Variants in LHFPL6 observed in about 807,000 individuals in gnomAD.
LHFPL6 encodes LHFPL tetraspan subfamily member 6 protein.
LHFPL6 carries 9 observed loss-of-function variants against 20.6 expected under a neutral mutation model. The ratio of observed to expected loss-of-function variants is 0.44; its 90% CI spans 0.26 to 0.76. LHFPL6 has a LOEUF of 0.76. Ranked by LOEUF, LHFPL6 falls within the 30% of genes least tolerant of loss-of-function variation. The pLI, the probability that LHFPL6 is intolerant of heterozygous loss-of-function variation, is 0.20. For missense variants in LHFPL6, 218 were observed against 253.5 expected, an observed-to-expected ratio of 0.86 and a Z score of 0.95; for synonymous variants, 105 against 98.7, an observed-to-expected ratio of 1.06 and a Z score of -0.38.
chr13:39,427,871 C>T, intron 2 of LHFPL6, among the ~76,000 whole-genome samples: 1 of 152,220 alleles, frequency 6.6e-6, no homozygotes, highest in Non-Finnish European at 1.5e-5. Context: ...GCACCGTCAT[C>T]TTAGTTAATT....
intron 2 of LHFPL6, among the ~76,000 whole-genome samples, chr13:39,462,869 C>T (rs1353110211): frequency 2.0e-5 from 3 of 152,096 alleles, no homozygotes; most frequent in Non-Finnish European, 4.4e-5. Context: ...ATTCATTCTT[C>T]GGGATGGGGC....
At chr13:39,601,693 A>G (rs1209164589) in intron 1 of LHFPL6, among the ~76,000 whole-genome samples, 1 of 152,258 alleles carries the variant, frequency 6.6e-6, no homozygotes. Context: ...ATATACTCAC[A>G]TTAAAAGTAA....
chr13:39,503,623 G>GTGCT (rs1488711538), intron 2 of LHFPL6, among the ~76,000 whole-genome samples: 1 of 152,200 alleles, frequency 6.6e-6, no homozygotes, highest in Non-Finnish European at 1.5e-5. Flanking sequence ...ACCTAGAACA[G>GTGCT]TGCTTGGTAT....
intron 2 of LHFPL6, among the ~76,000 whole-genome samples, chr13:39,473,634 A>G (rs2138438838): frequency 6.6e-6 from 1 of 152,290 alleles, no homozygotes; most frequent in Middle Eastern, 3.4e-3. Flanking sequence ...TCTTTCGGAT[A>G]CATTGACAAC....
chr13:39,400,596 A>G (rs947996263), intron 2 of LHFPL6, among the ~76,000 whole-genome samples: 5 of 151,580 alleles, frequency 3.3e-5, no homozygotes, highest in Non-Finnish European at 7.4e-5. Flanking sequence ...ATCCCGGCTA[A>G]AACGGTGAAA....
At chr13:39,354,998 A>G (rs2138340263) in intron 3 of LHFPL6, among the ~76,000 whole-genome samples, 1 of 151,346 alleles carries the variant, frequency 6.6e-6, no homozygotes, top group East Asian at 1.9e-4. Flanking sequence ...GATATAGTCT[A>G]TGAAAATTTC....
At chr13:39,563,955 G>A (rs1340898008) in intron 2 of LHFPL6, among the ~76,000 whole-genome samples, 1 of 152,110 alleles carries the variant, frequency 6.6e-6, no homozygotes, top group East Asian at 1.9e-4. Context: ...GACACTTGTT[G>A]TATATCCCCC....
At position 39,343,909 on chromosome 13, in the gene LHFPL6, C is replaced by T. The variant is rs1352205524; in HGVS notation, c.*27G>A. On this transcript the variant is annotated 3_prime_UTR_variant, in exon 4 of 4. Transcript: ENST00000379589. ...TCCAAGCCCCTTTGGCCCATCTTCTCCTCTGTCTGCTCTTGGTAGCTCCAT... is the reference window on the plus strand; with the variant it reads ...TCCAAGCCCCTTTGGCCCATCTTCTTCTCTGTCTGCTCTTGGTAGCTCCAT... The T allele has an allele frequency of 6.3e-7, 1 of 1,590,706 alleles. No individual in the cohort carries two copies. The highest frequency in any genetic ancestry group is 8.6e-7 in the Non-Finnish European group (1 of 1,160,108).
At chr13:39,562,340 G>A (rs1490454366) in intron 2 of LHFPL6, among the ~76,000 whole-genome samples, 1 of 106,606 alleles carries the variant, frequency 9.4e-6, no homozygotes, top group African/African-American at 3.1e-5. Flanking sequence ...GTGTGTGTGT[G>A]TATATATATA....
chr13:39,530,273 A>G (rs111779436), intron 2 of LHFPL6, among the ~76,000 whole-genome samples: 24 of 152,112 alleles, frequency 1.6e-4, no homozygotes, highest in African/African-American at 5.8e-4. Flanking sequence ...TATTAAAAAA[A>G]AAAAGAAAAG....
At chr13:39,486,351 G>A (rs1262893787) in intron 2 of LHFPL6, among the ~76,000 whole-genome samples, 1 of 152,128 alleles carries the variant, frequency 6.6e-6, no homozygotes, top group Non-Finnish European at 1.5e-5. Context: ...GTTACTGTGT[G>A]GAGAGATAGT....
intron 2 of LHFPL6, among the ~76,000 whole-genome samples, chr13:39,515,113 A>C (rs969667773): frequency 3.3e-5 from 5 of 152,120 alleles, no homozygotes; most frequent in African/African-American, 1.2e-4. Context: ...TGTACCTCTA[A>C]CAGCTCTGCC....
chr13:39,596,498 C>T (rs556406046), intron 2 of LHFPL6, among the ~76,000 whole-genome samples: 3 of 152,094 alleles, frequency 2.0e-5, no homozygotes, highest in Non-Finnish European at 4.4e-5. Flanking sequence ...TTCTGCAATC[C>T]GTGTTTTAAA....
chr13:39,464,402 C>T (rs181516864), intron 2 of LHFPL6, among the ~76,000 whole-genome samples: 312 of 152,114 alleles, frequency 2.1e-3, no homozygotes, highest in Non-Finnish European at 1.8e-3. Context: ...AACAGCTAAA[C>T]AGAGAAGGAA....
chr13:39,422,164 A>G (rs563194583), intron 2 of LHFPL6, among the ~76,000 whole-genome samples: 2 of 152,358 alleles, frequency 1.3e-5, no homozygotes, highest in Admixed American at 1.3e-4. Flanking sequence ...ACCTGGGAGC[A>G]AGTACCAGGA....
chr13:39,583,169 CTTTTTT>C (rs34898470), intron 2 of LHFPL6, among the ~76,000 whole-genome samples: 10 of 114,136 alleles, frequency 8.8e-5, no homozygotes, highest in Admixed American at 1.0e-4. Flanking sequence ...ATGCCAAATT[CTTTTTT>C]TTTTTTTTTT....
intron 2 of LHFPL6, among the ~76,000 whole-genome samples, chr13:39,432,411 C>T (rs1483338574): frequency 3.3e-5 from 5 of 152,172 alleles, no homozygotes; most frequent in African/African-American, 9.7e-5. Context: ...TCTACACATG[C>T]TACCTTCCCT....
chr13:39,483,562 T>C lies in LHFPL6; in HGVS notation c.386-105036A>G, dbSNP rs972127977. On this transcript the variant is annotated intron_variant, in intron 2 of 3. Transcript: ENST00000379589. ...CTGCCTCAGGCAAAGGGCATTCTAA[T>C]GATACCATGAAACACACAGTGTTTT... Among the ~76,000 whole-genome samples the C allele has an allele frequency of 4.6e-5, 7 of 151,942 alleles. No individual in the cohort carries two copies. The East Asian group carries it at 1.2e-3, about 25-fold the overall frequency.
intron 2 of LHFPL6, among the ~76,000 whole-genome samples, chr13:39,581,553 A>C (rs1872284719): frequency 6.6e-6 from 1 of 150,804 alleles, no homozygotes; most frequent in African/African-American, 2.4e-5. Context: ...AAAAAGAAGA[A>C]GAAGAAGAAA....
Sources: gnomAD v4.1 joint callset for allele counts (sites outside exome capture counted in the v4.1 genomes callset) on GRCh38, gnomAD v4.1.1 for gene constraint, MANE v1.5 for transcripts, NCBI Gene and HGNC (gene_info 2026-07-23, HGNC 2026-07-21) for gene names.